NEIL1: variants seen among roughly 807,000 people sequenced by gnomAD.
NEIL1 encodes nei like DNA glycosylase 1.
In NEIL1, 31 loss-of-function variants were observed where a neutral mutation model predicts 44.2. That is an observed-to-expected ratio of 0.70 (90% CI 0.53 to 0.95). The LOEUF (loss-of-function observed/expected upper bound fraction) is 0.95, where lower values mean the gene tolerates loss of function less well. Among genes scored for constraint, NEIL1 ranks in the 40% least tolerant of loss-of-function variants. The probability of loss-of-function intolerance (pLI) is 0.00; values close to 1 mark genes in which losing one functional copy is unlikely to be tolerated. For missense variants in NEIL1, 549 were observed against 515.5 expected (o/e 1.07, Z -0.63); for synonymous variants, 254 against 209.7 (o/e 1.21, Z -1.83).
chr15:75,356,669 CTTTAGGCGCCCGCAAGCTGGGG>C lies in NEIL1; in HGVS notation c.*1637_*1658del. 6.3e-7 allele frequency: 1 copy of C among 1,588,374 alleles called. No individual in the cohort carries two copies. The highest frequency in any genetic ancestry group is 8.6e-7 in the Non-Finnish European group (1 of 1,167,870). ...CCCGTGTCAGCAGTAGCGTCCGGGG[CTTTAGGCGCCCGCAAGCTGGGG>C]TGAGGAGGGCGCGTAGGGGCCACGC... On this transcript the variant is annotated 3_prime_UTR_variant, in exon 10 of 10. Transcript: ENST00000355059. This position sits in a 1 kb window ranked among gnomAD's most constrained non-coding sequence, Gnocchi z 5.8.
In NEIL1 at chr15:75,355,661, C is replaced by T. The variant is rs2072269174; in HGVS notation, c.*627C>T. 1 of 492,498 alleles carries T rather than the reference C, an allele frequency of 2.0e-6. No individual in the cohort carries two copies. The highest frequency in any genetic ancestry group is 3.7e-6 in the Non-Finnish European group (1 of 273,146). 30.5% of individuals were successfully genotyped at this position (492,498 alleles called of 1,614,324 possible). On this transcript the variant is annotated 3_prime_UTR_variant, in exon 10 of 10. Transcript: ENST00000355059. The stretch of plus-strand genomic sequence containing the variant: ...AGTCTCTCCTGTGGGGGCTGCAACC[C>T]AGACCCTGCACGCACAGGTACCTTA...
rs745692150 is a variant in NEIL1, at chr15:75,356,128, G to A, written c.*1094G>A. 52 of 1,613,658 alleles carry A rather than the reference G, an allele frequency of 3.2e-5. No homozygotes were observed. The East Asian group carries it at 4.5e-4, about 14-fold the overall frequency. On this transcript the variant is annotated 3_prime_UTR_variant, in exon 10 of 10. Transcript: ENST00000355059. The surrounding 1 kb of genome is among the most constrained non-coding windows in gnomAD (Gnocchi z 5.8). The stretch of plus-strand genomic sequence containing the variant: ...CACTCACAGGATGGCCTCCTGAACC[G>A]GCAGCGACAAGTGCAGCCAGCAGTC...
intron 1 of NEIL1, chr15:75,348,544 G>A: frequency 8.5e-7 from 1 of 1,175,236 alleles, no homozygotes; most frequent in Non-Finnish European, 1.1e-6. Context: ...GCGGAGATGA[G>A]ATCCGTGAGT....
rs2064317976 is a variant in NEIL1 at position 75,356,893 on chromosome 15, G to C, written c.*1859G>C. On this transcript the variant is annotated 3_prime_UTR_variant, in exon 10 of 10. Coordinates refer to ENST00000355059, the MANE Select transcript of NEIL1 (RefSeq NM_024608.4). The surrounding 1 kb of genome is among the most constrained non-coding windows in gnomAD (Gnocchi z 5.8). Reference sequence around the variant, plus strand: ...TGTTCTGACAGATCCATCCAGCGATGGGCCCACACCTGGAGGGCAGATCCA... The same window carrying C: ...TGTTCTGACAGATCCATCCAGCGATCGGCCCACACCTGGAGGGCAGATCCA... The C allele has an allele frequency of 6.8e-6, 11 of 1,613,996 alleles. No individual in the cohort carries two copies. Among genetic ancestry groups the C allele is most frequent in the Non-Finnish European group, 9.3e-6 (11 of 1,179,974 alleles).
chr15:75,353,965 A>C, intron 6 of NEIL1, 99 bp downstream of exon 6: 1 of 1,482,334 alleles, frequency 6.7e-7, no homozygotes, highest in East Asian at 2.3e-5. Flanking sequence ...GGGTCTGTCT[A>C]GACCCTCCAA....
Position 75,348,910 on chromosome 15 carries a change from C to T in NEIL1, c.5C>T (p.Pro2Leu), listed in dbSNP as rs1367228496. 1.2e-5 allele frequency: 19 copies of T among 1,611,060 alleles called. No individual in the cohort carries two copies. The highest frequency in any genetic ancestry group is 1.6e-5 in the Non-Finnish European group (19 of 1,179,700). The change falls in exon 2 of 10, where the codon CCT becomes CTT. Residue 2 changes from proline to leucine, a missense_variant. Physicochemically the swap from Pro to Leu is moderately conservative, Grantham distance 98 (BLOSUM62 -3). Coordinates refer to ENST00000355059, the MANE Select transcript of NEIL1 (RefSeq NM_024608.4). The part of the protein sequence containing the change: M[P>L]EGPELHLASQ... ...ACTCTGCCACCCTCCCTCAGGATGC[C>T]TGAGGGCCCCGAGCTGCACCTGGCC...
chr15:75,357,045 A>G lies in NEIL1; in HGVS notation c.*2011A>G, dbSNP rs1012907023. On this transcript the variant is annotated 3_prime_UTR_variant, in exon 10 of 10. Transcript: ENST00000355059. Reference sequence around the variant, plus strand: ...GCTCCCACTGTACGGGGCCCTGGGCATGCCACCCAACCTGCCTAAGCCTCA... The same window carrying G: ...GCTCCCACTGTACGGGGCCCTGGGCGTGCCACCCAACCTGCCTAAGCCTCA... 1.4e-5 allele frequency: 9 copies of G among 642,112 alleles called. No homozygotes were observed. Among genetic ancestry groups the G allele is most frequent in the Non-Finnish European group, 2.5e-5 (9 of 365,416 alleles). The allele number at this position is 642,112 out of a possible 1,614,324, so 39.8% of individuals were successfully genotyped here.
chr15:75,355,755 G>T lies in NEIL1; in HGVS notation c.*721G>T. 3 of 424,114 alleles carry T rather than the reference G, an allele frequency of 7.1e-6. No homozygotes were observed. The highest frequency in any genetic ancestry group is 1.3e-5 in the Non-Finnish European group (3 of 238,010). 26.3% of individuals were successfully genotyped at this position (424,114 alleles called of 1,614,324 possible). ...CCCAGACTTCCCACCCCCACCCCAA[G>T]CGTGAGGATGGGCCCTAAGGGGACT... On this transcript the variant is annotated 3_prime_UTR_variant, in exon 10 of 10. Transcript: ENST00000355059.
chr15:75,353,247 A>ACACACACACACG (rs1260553088), intron 5 of NEIL1: 2 of 250,680 alleles, frequency 8.0e-6, no homozygotes, highest in South Asian at 5.2e-5. Context: ...ACACACACAC[A>ACACACACACACG]CACGCACGTT....
intron 2 of NEIL1, 176 bp from the exon 3 acceptor site, chr15:75,351,935 G>T: frequency 3.3e-6 from 2 of 615,364 alleles, no homozygotes; most frequent in Non-Finnish European, 5.7e-6. Flanking sequence ...CTTTCACAAT[G>T]AATTTAAATC....
At chr15:75,348,839 A>C (rs1389060797) in intron 1 of NEIL1, 45 bp from the exon 2 acceptor site, 3 of 1,570,610 alleles carry the variant, frequency 1.9e-6, no homozygotes, top group Non-Finnish European at 1.7e-6. Context: ...CCGCTACCTC[A>C]CAAAGTCCAC....
intron 2 of NEIL1, chr15:75,351,479 G>C (rs1204705858): frequency 5.8e-6 from 2 of 345,450 alleles, no homozygotes; most frequent in African/African-American, 4.4e-5. Flanking sequence ...GGTCTTCCTT[G>C]TTGCCCAGGC....
chr15:75,356,934 C>A lies in NEIL1; in HGVS notation c.*1900C>A. 1 of 1,566,132 alleles carries A rather than the reference C, an allele frequency of 6.4e-7. No homozygotes were observed. Among genetic ancestry groups the A allele is most frequent in the Non-Finnish European group, 8.8e-7 (1 of 1,137,138 alleles). On this transcript the variant is annotated 3_prime_UTR_variant, in exon 10 of 10. Coordinates refer to ENST00000355059, the MANE Select transcript of NEIL1 (RefSeq NM_024608.4). This position sits in a 1 kb window ranked among gnomAD's most constrained non-coding sequence, Gnocchi z 5.8. Reference sequence around the variant, plus strand: ...GGCAGATCCAAGACCCACTTGGTGGCCCTGTGCCCCTCTTTGTGCTCCCAG... The same window carrying A: ...GGCAGATCCAAGACCCACTTGGTGGACCTGTGCCCCTCTTTGTGCTCCCAG...
At chr15:75,347,670 A>G in intron 1 of NEIL1, 197 bp downstream of exon 1, 1 of 305,408 alleles carries the variant, frequency 3.3e-6, no homozygotes, top group Non-Finnish European at 4.9e-6. Flanking sequence ...GTTCCCGGGG[A>G]GGGGGCGTGC....
At position 75,349,220 on chromosome 15, in the gene NEIL1, G is replaced by T. The variant is rs560411863; in HGVS notation, c.315G>T (p.Pro105=). The T allele has an allele frequency of 5.5e-5, 88 of 1,609,522 alleles. No homozygotes were observed. Among genetic ancestry groups the T allele is most frequent in the Non-Finnish European group, 7.2e-5 (85 of 1,179,856 alleles). ...CCCACCTGCGCTTTTACACGGCCCC[G>T]CCTGGCCCCCGGCTCGCCCTATGTT... ...RHAHLRFYTA[P]PGPRLALCFV... Residue 105 remains proline (P), a synonymous_variant, in exon 2 of 10, where the codon CCG becomes CCT. Coordinates refer to ENST00000355059, the MANE Select transcript of NEIL1 (RefSeq NM_024608.4).
chr15:75,347,870 C>G (rs1254844778), intron 1 of NEIL1: 3 of 1,198,470 alleles, frequency 2.5e-6, no homozygotes, highest in East Asian at 7.0e-5. Context: ...AAAACGAGCC[C>G]TGTGGGTGCC....
chr15:75,351,699 G>A (rs2071903328), intron 2 of NEIL1, among the ~76,000 whole-genome samples: 1 of 152,136 alleles, frequency 6.6e-6, no homozygotes, highest in African/African-American at 2.4e-5. Flanking sequence ...TCAGCTCACT[G>A]CAACCTCCAC....
intron 2 of NEIL1, chr15:75,351,439 G>T (rs998805674): frequency 1.1e-5 from 4 of 354,230 alleles, no homozygotes; most frequent in African/African-American, 6.5e-5. Context: ...CTAAGCCCCT[G>T]GCTACTTCTT....
Position 75,348,980 on chromosome 15 carries a change from C to T in NEIL1, c.75C>T (p.Gly25=). The part of the protein sequence containing the change: ...NEACRALVFG[G]CVEKSSVSRN... ...CCTGCAGGGCGCTGGTGTTCGGCGG[C>T]TGCGTGGAGAAGTCCTCTGTCAGCC... Residue 25 remains glycine, a synonymous_variant, in exon 2 of 10, where the codon GGC becomes GGT. Coordinates refer to ENST00000355059, the MANE Select transcript of NEIL1 (RefSeq NM_024608.4). The T allele has an allele frequency of 6.2e-7, 1 of 1,613,418 alleles. No individual in the cohort carries two copies. The highest frequency in any genetic ancestry group is 8.5e-7 in the Non-Finnish European group (1 of 1,179,798).
Sources: allele counts gnomAD v4.1 joint callset (sites outside exome capture counted in the v4.1 genomes callset), GRCh38; gene constraint gnomAD v4.1.1; non-coding constraint Gnocchi (gnomAD v3.1); transcripts MANE v1.5; gene names NCBI Gene and HGNC (gene_info 2026-07-23, HGNC 2026-07-21).